Variants in FGD6 observed in about 807,000 individuals in gnomAD.
FGD6 encodes FYVE, RhoGEF and PH domain containing 6, also known as FYVE, RhoGEF and PH domain-containing protein 6.
Under a neutral mutation model 149.4 loss-of-function variants are expected in FGD6, and 90 were observed. The ratio of observed to expected loss-of-function variants is 0.60; its 90% CI spans 0.51 to 0.72. The LOEUF (loss-of-function observed/expected upper bound fraction) is 0.72, where lower values mean the gene tolerates loss of function less well. Ranked by LOEUF, FGD6 falls within the 30% of genes least tolerant of loss-of-function variation. The pLI is 0.00. For synonymous variants in FGD6, 527 were observed against 584.0 expected (o/e 0.90, Z 1.41); for missense variants, 1,437 against 1,684.8 (o/e 0.85, Z 2.57).
At chr12:95,137,711 TAAAG>T (rs764168994) in intron 6 of FGD6, 33 bp from the exon 7 acceptor site, 1 of 1,477,664 alleles carries the variant, frequency 6.8e-7, no homozygotes, top group South Asian at 1.4e-5. Context: ...CAAAAAAATA[TAAAG>T]AGAGATTGAT....
intron 14 of FGD6, chr12:95,100,960 T>G: frequency 5.4e-6 from 2 of 369,558 alleles, no homozygotes; most frequent in East Asian, 7.1e-5. Flanking sequence ...TGGCAGGAAC[T>G]TGGATGAGAT....
intron 3 of FGD6, among the ~76,000 whole-genome samples, chr12:95,166,932 C>G (rs2136280745): frequency 6.9e-6 from 1 of 145,132 alleles, no homozygotes; most frequent in Middle Eastern, 3.6e-3. Context: ...CCTTGGCTTG[C>G]TGCAACCTCT....
At chr12:95,206,698 G>GAA (rs746280054) in intron 2 of FGD6, among the ~76,000 whole-genome samples, 1 of 114,806 alleles carries the variant, frequency 8.7e-6, no homozygotes, top group Non-Finnish European at 1.9e-5. Context: ...TGTCTCCAAA[G>GAA]AAAAAAAAAA....
Position 95,209,898 on chromosome 12 carries a change from A to G in FGD6, c.1386T>C (p.Thr462=). Reference sequence around the variant, plus strand: ...TCCCAGATTGCAAATGTTCATTGCAAGTTAATTTGAGCTGCTTAGGCAGGC... The same window carrying G: ...TCCCAGATTGCAAATGTTCATTGCAGGTTAATTTGAGCTGCTTAGGCAGGC... ...SMSLPKQLKL[T]CNEHLQSGRN... Residue 462 remains threonine (T), a synonymous_variant, in exon 2 of 21, where the codon ACT becomes ACC. Transcript: ENST00000343958. 1.2e-6 allele frequency: 2 copies of G among 1,613,332 alleles called. No individual in the cohort carries two copies. The highest frequency in any genetic ancestry group is 1.7e-6 in the Non-Finnish European group (2 of 1,179,904).
Position 95,138,322 on chromosome 12 carries a change from T to C in FGD6, c.2838-644A>G, listed in dbSNP as rs190603732. Among the ~76,000 whole-genome samples the C allele has an allele frequency of 1.4e-4, 22 of 152,244 alleles. No homozygotes were observed. In the East Asian group the frequency reaches 1.5e-3, roughly 11 times the overall value. On this transcript the variant is annotated intron_variant, in intron 6 of 20. Transcript: ENST00000343958. Reference sequence around the variant, plus strand: ...ATTTTGGGAGGCCGAGACGGGCAGATTACTTCTGATCAGGAGTTTGAGACC... The same window carrying C: ...ATTTTGGGAGGCCGAGACGGGCAGACTACTTCTGATCAGGAGTTTGAGACC...
At chr12:95,145,967 C>A (rs1228309611) in intron 5 of FGD6, among the ~76,000 whole-genome samples, 7 of 152,204 alleles carry the variant, frequency 4.6e-5, no homozygotes, top group African/African-American at 1.7e-4. Context: ...AGCCACTGCG[C>A]CAGGCCCCCT....
chr12:95,118,064 C>T (rs1210035026), intron 8 of FGD6, among the ~76,000 whole-genome samples: 1 of 151,412 alleles, frequency 6.6e-6, no homozygotes, highest in Non-Finnish European at 1.5e-5. Flanking sequence ...ATAACAAATT[C>T]CCACGGCCAG....
At chr12:95,165,818 T>G (rs993204184) in intron 3 of FGD6, among the ~76,000 whole-genome samples, 15 of 147,468 alleles carry the variant, frequency 1.0e-4, no homozygotes, top group Non-Finnish European at 1.8e-4. Flanking sequence ...TTTGTGTCTG[T>G]TTTTTTTTTG....
intron 1 of FGD6, among the ~76,000 whole-genome samples, chr12:95,212,322 T>A (rs1461788502): frequency 4.6e-5 from 7 of 152,214 alleles, no homozygotes; most frequent in Admixed American, 4.6e-4. Flanking sequence ...TCTACTACAT[T>A]TAAAAGATAA....
chr12:95,167,579 T>TG (rs1880858412), intron 3 of FGD6, among the ~76,000 whole-genome samples: 1 of 149,996 alleles, frequency 6.7e-6, no homozygotes, highest in Admixed American at 6.7e-5. Context: ...TGTTTGAGGT[T>TG]TTTTTTTTTT....
Position 95,079,080 on chromosome 12 carries a change from T to C in FGD6, c.*2440A>G, listed in dbSNP as rs1471967459. On this transcript the variant is annotated 3_prime_UTR_variant, in exon 21 of 21. Coordinates refer to ENST00000343958, the MANE Select transcript of FGD6 (RefSeq NM_018351.4). ...ATAGCTTTTTTTACAATAAATTGCA[T>C]ATAATTAGGTTCTTAGTTGACAATG... 1.3e-5 allele frequency: 2 copies of C among 152,104 alleles called. No individual in the cohort carries two copies. The highest frequency in any genetic ancestry group is 2.9e-5 in the Non-Finnish European group (2 of 68,022). 9.4% of individuals were successfully genotyped at this position (152,104 alleles called of 1,614,324 possible). A position where few individuals can be genotyped will look rare whatever the true frequency, so the allele number is the denominator to read the frequency against.
chr12:95,210,660 C>T lies in FGD6; in HGVS notation c.624G>A (p.Met208Ile), dbSNP rs769455392. The stretch of plus-strand genomic sequence containing the variant: ...GTCCATTTGAATTACAGCCACCATT[C>T]ATTTCTGGGCTGTCTGTGGGCCTGT... The part of the protein sequence containing the change: ...QKHRPTDSPE[M>I]NGGCNSNGQF... The change falls in exon 2 of 21, where the codon ATG (methionine) becomes ATA (isoleucine). Residue 208 changes from methionine to isoleucine, a missense_variant. Around this residue, in one of 2 missense-constraint regions of FGD6, gnomAD observed 1,055 missense variants for 1,146.0 expected, o/e 0.92. Coordinates refer to ENST00000343958, the MANE Select transcript of FGD6 (RefSeq NM_018351.4). The T allele has an allele frequency of 1.2e-6, 2 of 1,614,122 alleles. No individual in the cohort carries two copies. The highest frequency in any genetic ancestry group is 1.1e-5 in the South Asian group (1 of 91,080).
chr12:95,186,020 G>A (rs1290598682), intron 2 of FGD6, among the ~76,000 whole-genome samples: 1 of 151,860 alleles, frequency 6.6e-6, no homozygotes, highest in African/African-American at 2.4e-5. Context: ...CCAGTAAGCA[G>A]AATGGCAAGA....
chr12:95,152,647 T>C (rs150425751), intron 5 of FGD6, among the ~76,000 whole-genome samples, 164 bp downstream of exon 5: 4 of 152,338 alleles, frequency 2.6e-5, no homozygotes, highest in African/African-American at 4.8e-5. Flanking sequence ...TTTGGACATA[T>C]AGCTACTAAG....
At chr12:95,083,030 T>TATATATATATATATATATATACACAC (rs772685891) in intron 20 of FGD6, among the ~76,000 whole-genome samples, 1 of 56,596 alleles carries the variant, frequency 1.8e-5, no homozygotes, top group African/African-American at 8.1e-5. Context: ...TATATATATA[T>TATATATATATATATATATATACACAC]ACACACACAT....
intron 2 of FGD6, among the ~76,000 whole-genome samples, chr12:95,206,719 AAAG>A (rs1411057172): frequency 1.3e-5 from 2 of 151,868 alleles, no homozygotes; most frequent in Non-Finnish European, 2.9e-5. Context: ...AAAAAAAGAA[AAAG>A]AAGTACTTAT....
intron 2 of FGD6, among the ~76,000 whole-genome samples, chr12:95,203,054 T>C (rs751083416): frequency 4.6e-5 from 7 of 152,178 alleles, no homozygotes; most frequent in Non-Finnish European, 7.3e-5. Context: ...AGGTGGTAAA[T>C]GTAACCAAAG....
At position 95,077,098 on chromosome 12, in the gene FGD6, T is replaced by C. The variant is rs1303967975; in HGVS notation, c.*4422A>G. On this transcript the variant is annotated 3_prime_UTR_variant, in exon 21 of 21. Coordinates refer to ENST00000343958, the MANE Select transcript of FGD6 (RefSeq NM_018351.4). ...CTATCTCTTATAAGGGAAAATATCA[T>C]AGATAAGATTTTCCTTTAGAAAATG... 2.0e-5 allele frequency: 3 copies of C among 152,184 alleles called. No homozygotes were observed. Among genetic ancestry groups the C allele is most frequent in the African/African-American group, 4.8e-5 (2 of 41,434 alleles). 9.4% of individuals were successfully genotyped at this position (152,184 alleles called of 1,614,324 possible). A position where few individuals can be genotyped will look rare whatever the true frequency, so the allele number is the denominator to read the frequency against.
At chr12:95,097,661 A>G (rs1266744473) in intron 14 of FGD6, among the ~76,000 whole-genome samples, 2 of 147,946 alleles carry the variant, frequency 1.4e-5, no homozygotes, top group Non-Finnish European at 3.0e-5. Context: ...AAAAAAAAAG[A>G]CCATGCCACA....
Sources: gnomAD v4.1 joint callset for allele counts (sites outside exome capture counted in the v4.1 genomes callset) on GRCh38, gnomAD v4.1.1 for gene constraint, gnomAD v4.1.1 regional missense constraint, MANE v1.5 for transcripts, NCBI Gene and HGNC (gene_info 2026-07-23, HGNC 2026-07-21) for gene names.